CRIM1: variants seen among roughly 807,000 people sequenced by gnomAD.
The protein encoded by CRIM1 is cysteine rich transmembrane BMP regulator 1, also known as cysteine-rich motor neuron 1 protein.
A neutral mutation model predicts 116.4 loss-of-function variants in CRIM1; 32 were observed. The ratio of observed to expected loss-of-function variants is 0.27; its 90% CI spans 0.21 to 0.37. CRIM1 has a LOEUF of 0.37. CRIM1 is among the 10% of genes least tolerant of loss of function. The pLI, the probability that CRIM1 is intolerant of heterozygous loss-of-function variation, is 1.00. For synonymous variants in CRIM1, 590 were observed against 509.2 expected (o/e 1.16, Z -2.13); for missense variants, 1,331 against 1,354.8 (o/e 0.98, Z 0.28).
At chr2:36,478,784 G>T (rs1572833668) in intron 6 of CRIM1, among the ~76,000 whole-genome samples, 1 of 152,158 alleles carries the variant, frequency 6.6e-6, no homozygotes, top group East Asian at 1.9e-4. Context: ...TCAATAGAGG[G>T]ATAAGAGAGG....
intron 7 of CRIM1, among the ~76,000 whole-genome samples, chr2:36,498,021 C>G (rs1301129463): frequency 6.6e-6 from 1 of 152,322 alleles, no homozygotes; most frequent in Non-Finnish European, 1.5e-5. Context: ...CAGTTACCCT[C>G]TCTGCACCTC....
chr2:36,502,945 T>G, intron 8 of CRIM1, among the ~76,000 whole-genome samples: 1 of 152,240 alleles, frequency 6.6e-6, no homozygotes, highest in Non-Finnish European at 1.5e-5. Flanking sequence ...TTCTTAAAGT[T>G]AGTCTTGTCA....
intron 13 of CRIM1, among the ~76,000 whole-genome samples, chr2:36,533,408 A>G (rs772232309): frequency 4.8e-5 from 7 of 146,598 alleles, no homozygotes; most frequent in Non-Finnish European, 1.0e-4. Context: ...GGCCAACACA[A>G]TGAGACCCCA....
At chr2:36,548,434 C>G (rs558822451) in intron 16 of CRIM1, 91 bp from the exon 17 acceptor site, 3 of 905,044 alleles carry the variant, frequency 3.3e-6, no homozygotes, top group Admixed American at 2.9e-5. Flanking sequence ...AAACTGTTAT[C>G]TCACCTGAGT....
At chr2:36,446,631 G>A (rs1523787) in intron 4 of CRIM1, among the ~76,000 whole-genome samples, 71,805 of 151,996 alleles carry the variant, frequency 0.47, 17,475 homozygotes, top group East Asian at 0.7. Context: ...ACCATTATTT[G>A]ATTCTTCCTT....
At chr2:36,471,726 AACACACACAC>A (rs59120248) in intron 5 of CRIM1, among the ~76,000 whole-genome samples, 32 of 78,924 alleles carry the variant, frequency 4.1e-4, no homozygotes, top group Admixed American at 1.0e-3. Flanking sequence ...GATTAGCTTA[AACACACACAC>A]ACACACACAC....
chr2:36,420,377 C>G (rs990918167), intron 2 of CRIM1, among the ~76,000 whole-genome samples: 4 of 152,180 alleles, frequency 2.6e-5, no homozygotes, highest in African/African-American at 9.7e-5. Flanking sequence ...CAAGATTTCA[C>G]AGCAGGGAGA....
intron 5 of CRIM1, among the ~76,000 whole-genome samples, chr2:36,473,186 C>T (rs1435999256): frequency 6.6e-6 from 1 of 152,112 alleles, no homozygotes; most frequent in Non-Finnish European, 1.5e-5. Context: ...TGCAAATATC[C>T]TCCAAATGCG....
intron 7 of CRIM1, among the ~76,000 whole-genome samples, chr2:36,486,485 G>C (rs889235016): frequency 6.6e-6 from 1 of 152,138 alleles, no homozygotes; most frequent in Non-Finnish European, 1.5e-5. Flanking sequence ...TAATTTGCTA[G>C]ATGACCAAAC....
At chr2:36,403,137 T>C (rs1672540184) in intron 2 of CRIM1, among the ~76,000 whole-genome samples, 1 of 152,196 alleles carries the variant, frequency 6.6e-6, no homozygotes, top group African/African-American at 2.4e-5. Flanking sequence ...GTCTGTGTTA[T>C]CCATAAAATG....
intron 8 of CRIM1, among the ~76,000 whole-genome samples, chr2:36,506,265 T>C (rs1202048765): frequency 6.6e-6 from 1 of 151,498 alleles, no homozygotes; most frequent in African/African-American, 2.4e-5. Context: ...GTGCACATCT[T>C]TGGGATGTGA....
intron 4 of CRIM1, among the ~76,000 whole-genome samples, chr2:36,454,011 G>A (rs1181731880): frequency 1.3e-5 from 2 of 152,184 alleles, no homozygotes; most frequent in Admixed American, 1.3e-4. Flanking sequence ...GTTTTCTTGA[G>A]ATAACCACTC....
Position 36,547,061 on chromosome 2 carries a change from T to G in CRIM1, c.2824T>G (p.Ser942Ala), listed in dbSNP as rs1667401257. ...AGATTCTTCACTGGACTCCATTGCCTCAGTTGTGGTTCCCATAATTATATG... is the reference window on the plus strand; with the variant it reads ...AGATTCTTCACTGGACTCCATTGCCGCAGTTGTGGTTCCCATAATTATATG... ...SEDSSLDSIA[S>A]VVVPIIICLS... Residue 942 changes from serine (S) to alanine (A), a missense_variant, in exon 16 of 17, where the codon TCA becomes GCA. By Grantham distance (99) the Ser-to-Ala change is moderately conservative. This residue lies in a region of CRIM1 where 283 missense variants were observed against 242.8 expected (regional missense o/e 1.17). Coordinates refer to ENST00000280527, the MANE Select transcript of CRIM1 (RefSeq NM_016441.3). 5.0e-6 allele frequency: 8 copies of G among 1,611,854 alleles called. No homozygotes were observed. The highest frequency in any genetic ancestry group is 2.7e-5 in the African/African-American group (2 of 74,814).
chr2:36,487,169 C>T (rs1379834009), intron 7 of CRIM1, among the ~76,000 whole-genome samples: 2 of 152,150 alleles, frequency 1.3e-5, no homozygotes, highest in Non-Finnish European at 1.5e-5. Context: ...TTAAAATCCT[C>T]ATCTTCATCT....
chr2:36,515,160 T>C (rs1411664267), intron 11 of CRIM1, among the ~76,000 whole-genome samples: 3 of 152,194 alleles, frequency 2.0e-5, no homozygotes, highest in African/African-American at 7.2e-5. Context: ...TGTGAATGCA[T>C]AGAGGAGGGA....
chr2:36,368,595 G>A (rs1006847193), intron 1 of CRIM1, among the ~76,000 whole-genome samples: 1 of 152,176 alleles, frequency 6.6e-6, no homozygotes, highest in Non-Finnish European at 1.5e-5. Flanking sequence ...TTTTTGCCAA[G>A]AGCAGCCTTC....
chr2:36,457,019 TTAAGA>T (rs1365156075), intron 4 of CRIM1, among the ~76,000 whole-genome samples: 4 of 152,108 alleles, frequency 2.6e-5, no homozygotes, highest in Non-Finnish European at 5.9e-5. Context: ...ACTTAGCACC[TTAAGA>T]TAAGCTTCCG....
At chr2:36,419,447 G>A (rs756724643) in intron 2 of CRIM1, among the ~76,000 whole-genome samples, 3 of 152,120 alleles carry the variant, frequency 2.0e-5, no homozygotes, top group Admixed American at 6.5e-5. Context: ...TTTTATTGCC[G>A]CTTGAAATAG....
chr2:36,469,575 G>A (rs922406867), intron 5 of CRIM1, among the ~76,000 whole-genome samples: 4 of 152,046 alleles, frequency 2.6e-5, no homozygotes, highest in African/African-American at 7.2e-5. Flanking sequence ...AAGGGGAGCC[G>A]TACCCAGCAT....
Sources: gnomAD v4.1 joint callset for allele counts (sites outside exome capture counted in the v4.1 genomes callset) on GRCh38, gnomAD v4.1.1 for gene constraint, gnomAD v4.1.1 regional missense constraint, MANE v1.5 for transcripts, NCBI Gene and HGNC (gene_info 2026-07-23, HGNC 2026-07-21) for gene names.